Variants in PCDH15 observed in about 807,000 individuals in gnomAD.
PCDH15 encodes the protein protocadherin-15.
Under a neutral mutation model 178.5 loss-of-function variants are expected in PCDH15, and 129 were observed. That is an observed-to-expected ratio of 0.72 (90% CI 0.63 to 0.84). The LOEUF (loss-of-function observed/expected upper bound fraction) is 0.84, where lower values mean the gene tolerates loss of function less well. PCDH15 is among the 40% of genes least tolerant of loss of function. PCDH15 has a pLI of 0.00. For synonymous variants in PCDH15, 800 were observed against 732.0 expected (o/e 1.09, Z -1.50); for missense variants, 2,230 against 2,099.9 (o/e 1.06, Z -1.21).
At chr10:55,005,228 T>TAATAATAATAATAA (rs1564708136) in intron 2 of PCDH15, among the ~76,000 whole-genome samples, 1 of 147,902 alleles carries the variant, frequency 6.8e-6, no homozygotes, top group African/African-American at 2.5e-5. Context: ...ATAATAATAA[T>TAATAATAATAATAA]CAATGGAGCC....
chr10:55,076,430 G>GTT (rs35278239), intron 2 of PCDH15, among the ~76,000 whole-genome samples: 1 of 138,938 alleles, frequency 7.2e-6, no homozygotes, highest in Non-Finnish European at 1.6e-5. Context: ...CTCTTGCTGT[G>GTT]TTTTTTTTTT....
chr10:54,827,267 A>C (rs1953148146), intron 3 of PCDH15, among the ~76,000 whole-genome samples: 1 of 152,150 alleles, frequency 6.6e-6, no homozygotes, highest in African/African-American at 2.4e-5. Context: ...TCCACTAGCC[A>C]GAATACAAAT....
intron 2 of PCDH15, among the ~76,000 whole-genome samples, chr10:54,645,206 T>C (rs2094101453): frequency 1.3e-5 from 2 of 152,180 alleles, no homozygotes; most frequent in African/African-American, 4.8e-5. Flanking sequence ...ATTTTTCCTT[T>C]ATACCTAGGA....
chr10:55,371,552 G>A (rs1845508665), intron 2 of PCDH15, among the ~76,000 whole-genome samples: 1 of 152,072 alleles, frequency 6.6e-6, no homozygotes, highest in Admixed American at 6.6e-5. Flanking sequence ...TTGTGATACT[G>A]AATGAGTGCT....
intron 2 of PCDH15, among the ~76,000 whole-genome samples, chr10:55,339,461 A>G (rs899965386): frequency 1.3e-5 from 2 of 152,140 alleles, no homozygotes; most frequent in Non-Finnish European, 2.9e-5. Flanking sequence ...AAAACAATGC[A>G]TTTTAACAGC....
intron 25 of PCDH15, among the ~76,000 whole-genome samples, chr10:53,922,431 T>G (rs745366708): frequency 2.6e-5 from 4 of 152,178 alleles, no homozygotes; most frequent in Non-Finnish European, 5.9e-5. Flanking sequence ...TAAGAGAAAG[T>G]TGAAGATTAT....
intron 1 of PCDH15, among the ~76,000 whole-genome samples, chr10:54,799,205 C>T (rs1387262209): frequency 6.6e-6 from 1 of 151,622 alleles, no homozygotes; most frequent in African/African-American, 2.4e-5. Flanking sequence ...GAACCAAATA[C>T]TGGAGAATTT....
chr10:54,770,099 C>G (rs1317111984), intron 1 of PCDH15, among the ~76,000 whole-genome samples: 1 of 152,094 alleles, frequency 6.6e-6, no homozygotes, highest in African/African-American at 2.4e-5. Flanking sequence ...AATGCAGATA[C>G]AGAAACATTT....
chr10:54,383,311 C>A (rs142560723), intron 3 of PCDH15, among the ~76,000 whole-genome samples: 2 of 151,436 alleles, frequency 1.3e-5, no homozygotes, highest in Admixed American at 6.6e-5. Context: ...TCACAGTAAC[C>A]GTTGATAACT....
intron 3 of PCDH15, among the ~76,000 whole-genome samples, chr10:54,846,379 A>G (rs1447524027): frequency 3.3e-5 from 5 of 152,184 alleles, no homozygotes; most frequent in African/African-American, 7.2e-5. Context: ...TTGTTAAATC[A>G]TTGCCGAATG....
chr10:55,259,653 C>T (rs1398698908), intron 1 of PCDH15, among the ~76,000 whole-genome samples: 1 of 151,954 alleles, frequency 6.6e-6, no homozygotes, highest in Non-Finnish European at 1.5e-5. Flanking sequence ...CACCTGCAAT[C>T]CCAGCACTTT....
intron 18 of PCDH15, among the ~76,000 whole-genome samples, chr10:54,045,241 G>T (rs1385713787): frequency 6.6e-6 from 1 of 152,062 alleles, no homozygotes; most frequent in Non-Finnish European, 1.5e-5. Flanking sequence ...TTTGGGAAAG[G>T]CATACTTTCG....
intron 2 of PCDH15, among the ~76,000 whole-genome samples, chr10:55,385,422 A>C (rs573512601): frequency 6.6e-6 from 1 of 152,030 alleles, no homozygotes; most frequent in African/African-American, 2.4e-5. Flanking sequence ...ATCAGCTACC[A>C]TCTAACTGCC....
intron 1 of PCDH15, among the ~76,000 whole-genome samples, chr10:54,779,456 A>G (rs1950080245): frequency 8.2e-6 from 1 of 121,444 alleles, no homozygotes; most frequent in African/African-American, 2.9e-5. Context: ...ATACACTCAT[A>G]TATGTGTGTA....
At chr10:55,468,791 G>A (rs1459178433) in intron 2 of PCDH15, among the ~76,000 whole-genome samples, 3 of 152,054 alleles carry the variant, frequency 2.0e-5, no homozygotes, top group African/African-American at 7.2e-5. Flanking sequence ...TTTTTTACTT[G>A]CTCAAATTTA....
At chr10:53,848,916 A>G (rs948399445) in intron 28 of PCDH15, among the ~76,000 whole-genome samples, 2 of 152,064 alleles carry the variant, frequency 1.3e-5, no homozygotes, top group Non-Finnish European at 2.9e-5. Flanking sequence ...TTTATCTTTG[A>G]TTTAAAACTA....
chr10:54,336,125 A>G (rs936545729), intron 6 of PCDH15, among the ~76,000 whole-genome samples: 4 of 152,220 alleles, frequency 2.6e-5, no homozygotes, highest in African/African-American at 9.6e-5. Context: ...TTATTTGGTG[A>G]CATAAGTTTC....
At chr10:54,667,082 A>T (rs1229580926) in intron 1 of PCDH15, among the ~76,000 whole-genome samples, 1 of 152,054 alleles carries the variant, frequency 6.6e-6, no homozygotes, top group South Asian at 2.1e-4. Context: ...ATCTATTTAG[A>T]ATAGATATAG....
At chr10:55,231,065 T>A (rs1215195438) in intron 1 of PCDH15, among the ~76,000 whole-genome samples, 2 of 152,140 alleles carry the variant, frequency 1.3e-5, no homozygotes, top group East Asian at 3.9e-4. Flanking sequence ...ATATTTGTGA[T>A]ATATAGACAA....
Sources: allele counts gnomAD v4.1 joint callset (sites outside exome capture counted in the v4.1 genomes callset), GRCh38; gene constraint gnomAD v4.1.1; transcripts MANE v1.5; gene names NCBI Gene and HGNC (gene_info 2026-07-23, HGNC 2026-07-21).